Variants in UPK1A observed in about 807,000 individuals in gnomAD.
The protein encoded by UPK1A is uroplakin-1a.
In UPK1A, 31 loss-of-function variants were observed where a neutral mutation model predicts 32.3. The observed-to-expected ratio is 0.96, with a 90% CI of 0.72 to 1.30. The LOEUF (loss-of-function observed/expected upper bound fraction) is 1.30. Among genes scored for constraint, UPK1A ranks in the 50% most tolerant of loss-of-function variants. UPK1A has a pLI of 0.00. For synonymous variants in UPK1A, 135 were observed against 137.1 expected (o/e 0.98, Z 0.11); for missense variants, 340 against 357.4 (o/e 0.95, Z 0.39).
At chr19:35,674,535 C>G (rs1968153800) in intron 5 of UPK1A, among the ~76,000 whole-genome samples, 1 of 152,014 alleles carries the variant, frequency 6.6e-6, no homozygotes, top group African/African-American at 2.4e-5. Flanking sequence ...CCGTGCCCAG[C>G]CTTTCAAAGC....
intron 2 of UPK1A, 123 bp downstream of exon 2, chr19:35,667,019 C>A: frequency 1.0e-6 from 1 of 953,014 alleles, no homozygotes. Flanking sequence ...GTCAGCACAG[C>A]CTGGGTTGAA....
intron 2 of UPK1A, chr19:35,668,127 C>T (rs1036985288): frequency 2.2e-5 from 9 of 412,048 alleles, no homozygotes; most frequent in East Asian, 1.1e-4. Context: ...TTCCCCTCCT[C>T]GGGGAATAAC....
chr19:35,674,259 T>G (rs1421633976), intron 5 of UPK1A, among the ~76,000 whole-genome samples: 1 of 144,398 alleles, frequency 6.9e-6, no homozygotes, highest in Non-Finnish European at 1.5e-5. Context: ...TTTTTTTTTT[T>G]TTTTTGAGAC....
chr19:35,677,518 T>C (rs1241098484), intron 6 of UPK1A, among the ~76,000 whole-genome samples: 4 of 149,214 alleles, frequency 2.7e-5, no homozygotes, highest in Non-Finnish European at 5.9e-5. Flanking sequence ...AGAGGGAGAC[T>C]GCGAGACTGT....
chr19:35,671,674 G>A (rs1406785834), intron 3 of UPK1A, among the ~76,000 whole-genome samples: 2 of 151,100 alleles, frequency 1.3e-5, no homozygotes, highest in Non-Finnish European at 2.9e-5. Flanking sequence ...GTGTTAGCCA[G>A]GATGGTCTCG....
chr19:35,675,427 G>A (rs543379762), intron 5 of UPK1A, among the ~76,000 whole-genome samples: 74 of 151,936 alleles, frequency 4.9e-4, no homozygotes, highest in East Asian at 2.5e-3. Flanking sequence ...GATTACAGGC[G>A]CCCACCACCA....
intron 3 of UPK1A, among the ~76,000 whole-genome samples, chr19:35,669,076 A>G (rs913093038): frequency 1.3e-5 from 2 of 152,030 alleles, no homozygotes; most frequent in Non-Finnish European, 2.9e-5. Flanking sequence ...CCATTTAATA[A>G]TGGTTTACTA....
At chr19:35,669,530 G>A (rs918724274) in intron 3 of UPK1A, among the ~76,000 whole-genome samples, 2 of 148,980 alleles carry the variant, frequency 1.3e-5, no homozygotes, top group Non-Finnish European at 1.5e-5. Flanking sequence ...AATTAGCCAC[G>A]CATGGTGGCA....
intron 5 of UPK1A, among the ~76,000 whole-genome samples, chr19:35,674,572 G>A (rs756745920): frequency 2.8e-4 from 42 of 151,826 alleles, no homozygotes; most frequent in Non-Finnish European, 3.8e-4. Flanking sequence ...TAATCCTCAC[G>A]ACCACTCCAT....
In UPK1A at chr19:35,673,221, T is replaced by C. The variant is rs553194710; in HGVS notation, c.286-11T>C. 7.4e-4 allele frequency: 1,198 copies of C among 1,613,982 alleles called. 3 individuals are homozygous for C. The African/African-American group carries it at 0.014, about 19-fold the overall frequency. ...TCTGCCCGACGGGCCGTCCTCCCTC[T>C]GTCTCCCCAGTACCTGGTGCTCATG... On this transcript the variant is annotated splice_polypyrimidine_tract_variant and intron_variant, in intron 3 of 7. Coordinates refer to ENST00000617999, the Ensembl canonical transcript of UPK1A.
exon 8 of UPK1A, chr19:35,678,013 G>T (rs1269823386): frequency 2.5e-6 from 4 of 1,587,914 alleles, no homozygotes; most frequent in Non-Finnish European, 3.4e-6. Flanking sequence ...TCTACACCAT[G>T]CTCTGAGGGA....
chr19:35,676,610 A>G (rs1356579228), intron 6 of UPK1A, among the ~76,000 whole-genome samples: 1 of 151,830 alleles, frequency 6.6e-6, no homozygotes, highest in Non-Finnish European at 1.5e-5. Context: ...AATAAGAGCA[A>G]TAATAGGGCC....
intron 3 of UPK1A, 43 bp from the exon 4 acceptor site, chr19:35,673,189 C>T (rs763696700): frequency 8.1e-6 from 13 of 1,602,424 alleles, no homozygotes; most frequent in Non-Finnish European, 8.5e-7. Context: ...GGTGTGGCTT[C>T]ACGGGCTCTG....
At chr19:35,670,280 T>C (rs1968065907) in intron 3 of UPK1A, among the ~76,000 whole-genome samples, 1 of 151,946 alleles carries the variant, frequency 6.6e-6, no homozygotes, top group African/African-American at 2.4e-5. Context: ...CAGTGAGGAA[T>C]GGGGATGGGA....
chr19:35,678,107 C>A (rs1384963065), exon 8 of UPK1A: 2 of 1,432,728 alleles, frequency 1.4e-6, no homozygotes, highest in African/African-American at 2.9e-5. Flanking sequence ...GGCTGCCTCA[C>A]CTCTCACCTC....
In UPK1A at chr19:35,673,291, C is replaced by A; in HGVS notation, c.345C>A (p.Tyr115Ter). Residue 115 changes from tyrosine to a stop codon, truncating the protein, a stop_gained, in exon 4 of 8, where the codon TAC (tyrosine) becomes TAA (stop). Transcript: ENST00000617999. LOFTEE classifies it high-confidence loss of function. ...AGTGCGCCTCCTGCATCACGTCCTA[C>A]ACCCACCGTGACTACGTGAGCCCGG... The A allele has an allele frequency of 1.2e-6, 2 of 1,614,112 alleles. No homozygotes were observed. The highest frequency in any genetic ancestry group is 1.7e-6 in the Non-Finnish European group (2 of 1,180,022).
At chr19:35,673,092 C>A in intron 3 of UPK1A, 140 bp from the exon 4 acceptor site, 1 of 701,056 alleles carries the variant, frequency 1.4e-6, no homozygotes, top group Non-Finnish European at 2.5e-6. Context: ...AACACCTGAA[C>A]ACCCACCACA....
At chr19:35,676,284 G>T in intron 6 of UPK1A, 1 of 605,716 alleles carries the variant, frequency 1.7e-6, no homozygotes, top group South Asian at 1.6e-5. Context: ...TCTGCCTCCC[G>T]GGTTCAAGGG....
intron 2 of UPK1A, chr19:35,668,061 T>G: frequency 3.4e-6 from 1 of 295,186 alleles, no homozygotes; most frequent in Non-Finnish European, 6.6e-6. Flanking sequence ...ATGCTGGGAC[T>G]GCAGGTGTGA....
Sources: gnomAD v4.1 joint callset for allele counts (sites outside exome capture counted in the v4.1 genomes callset) on GRCh38, gnomAD v4.1.1 for gene constraint, MANE v1.5 for transcripts, NCBI Gene and HGNC (gene_info 2026-07-23, HGNC 2026-07-21) for gene names.